CHD1L: variants seen among roughly 807,000 people sequenced by gnomAD.
CHD1L encodes the protein ATP-dependent chromatin remodeler CHD1L.
CHD1L carries 118 observed loss-of-function variants against 115.9 expected under a neutral mutation model. The observed-to-expected ratio is 1.02, with a 90% CI of 0.88 to 1.19. CHD1L has a LOEUF of 1.19. Among genes scored for constraint, CHD1L ranks in the 50% most tolerant of loss-of-function variants. The probability of loss-of-function intolerance (pLI) is 0.00; values close to 1 mark genes in which losing one functional copy is unlikely to be tolerated. For synonymous variants in CHD1L, 411 were observed against 387.1 expected (o/e 1.06, Z -0.72); for missense variants, 1,179 against 1,065.3 (o/e 1.11, Z -1.49).
intron 8 of CHD1L, 91 bp downstream of exon 8, chr1:147,266,178 C>T (rs1673846251): frequency 3.3e-6 from 4 of 1,220,346 alleles, no homozygotes; most frequent in Non-Finnish European, 4.6e-6. Flanking sequence ...TTTGTATGAT[C>T]CCAAGAATAT....
intron 10 of CHD1L, among the ~76,000 whole-genome samples, chr1:147,269,462 A>G (rs1675265675): frequency 6.6e-6 from 1 of 152,058 alleles, no homozygotes; most frequent in African/African-American, 2.4e-5. Context: ...TGAGGTCAAG[A>G]GATCGAGACC....
At chr1:147,220,990 T>C in the CHD1L span, among the ~76,000 whole-genome samples, 1 of 148,356 alleles carries the variant, frequency 6.7e-6, no homozygotes, top group Admixed American at 6.7e-5. Context: ...GTATGTACCC[T>C]TGATGGGAGG....
chr1:147,200,818 A>G, the CHD1L span, among the ~76,000 whole-genome samples: 2 of 152,316 alleles, frequency 1.3e-5, no homozygotes, highest in Admixed American at 6.5e-5. Context: ...TAAAATCTAG[A>G]TGAGTAAATT....
chr1:147,234,330 C>G, the CHD1L span, among the ~76,000 whole-genome samples: 1 of 152,224 alleles, frequency 6.6e-6, no homozygotes, highest in African/African-American at 2.4e-5. Flanking sequence ...CCCCCAGGAT[C>G]TGGTGTTGGG....
upstream of CHD1L, among the ~76,000 whole-genome samples, chr1:147,238,220 A>C (rs1210464425): frequency 3.9e-5 from 6 of 152,166 alleles, no homozygotes. Context: ...ATGGGCACGG[A>C]CCTAATTCTA....
chr1:147,261,853 A>T (rs919134915), intron 6 of CHD1L, among the ~76,000 whole-genome samples: 1 of 151,988 alleles, frequency 6.6e-6, no homozygotes, highest in African/African-American at 2.4e-5. Context: ...GGGGAGGGGG[A>T]TACTGCCGTT....
intron 14 of CHD1L, among the ~76,000 whole-genome samples, chr1:147,278,601 T>G (rs1398850666): frequency 6.6e-6 from 1 of 151,672 alleles, no homozygotes; most frequent in Non-Finnish European, 1.5e-5. Flanking sequence ...GCAGTAGGTA[T>G]GGAGTTCTGA....
At chr1:147,271,774 A>G (rs949308176) in intron 11 of CHD1L, among the ~76,000 whole-genome samples, 1 of 152,136 alleles carries the variant, frequency 6.6e-6, no homozygotes, top group Non-Finnish European at 1.5e-5. Flanking sequence ...TGAAAGGCAG[A>G]TTGCTGGACT....
the CHD1L span, chr1:147,186,445 A>G: frequency 1.1e-6 from 1 of 919,518 alleles, no homozygotes; most frequent in Non-Finnish European, 1.3e-6. Flanking sequence ...CTCAGGAAAC[A>G]TATTTAGTTA....
At chr1:147,210,906 G>GT in the CHD1L span, 1 of 152,076 alleles carries the variant, frequency 6.6e-6, no homozygotes, top group Non-Finnish European at 1.5e-5. Flanking sequence ...AAAAAGGAAT[G>GT]TTTTCTCTTT....
chr1:147,220,501 A>G, the CHD1L span, among the ~76,000 whole-genome samples: 2 of 152,338 alleles, frequency 1.3e-5, no homozygotes, highest in East Asian at 3.9e-4. Context: ...CTTTGTCCTT[A>G]ATAGTGGGCT....
At chr1:147,233,966 G>A in the CHD1L span, among the ~76,000 whole-genome samples, 34 of 152,212 alleles carry the variant, frequency 2.2e-4, no homozygotes, top group African/African-American at 8.2e-4. Flanking sequence ...GCGGAAGGCG[G>A]CAGGGCCCTC....
the CHD1L span, among the ~76,000 whole-genome samples, chr1:147,187,930 G>C: frequency 6.6e-6 from 1 of 152,150 alleles, no homozygotes; most frequent in Non-Finnish European, 1.5e-5. Context: ...GTAATGAAAA[G>C]AAAGAACTGT....
the CHD1L span, among the ~76,000 whole-genome samples, chr1:147,227,975 C>T: frequency 2.5e-4 from 37 of 149,790 alleles, 1 homozygote; most frequent in Admixed American, 2.3e-3. Flanking sequence ...GCAAGTGGTG[C>T]GATCTTGGCT....
chr1:147,244,073 GT>G (rs1174956731), intron 1 of CHD1L, among the ~76,000 whole-genome samples: 2 of 152,174 alleles, frequency 1.3e-5, no homozygotes, highest in Non-Finnish European at 2.9e-5. Context: ...GTCTTTTTAT[GT>G]TTGACTTTAT....
At chr1:147,220,484 T>G in the CHD1L span, among the ~76,000 whole-genome samples, 1 of 152,148 alleles carries the variant, frequency 6.6e-6, no homozygotes, top group African/African-American at 2.4e-5. Context: ...AGGCCTAGAA[T>G]AGAAGACTTT....
At chr1:147,203,960 CAG>C in the CHD1L span, 1 of 1,281,788 alleles carries the variant, frequency 7.8e-7, no homozygotes, top group Non-Finnish European at 1.1e-6. Flanking sequence ...AACTGTTTTA[CAG>C]AGTCTTCGGA....
At chr1:147,189,384 G>A in the CHD1L span, among the ~76,000 whole-genome samples, 1 of 152,044 alleles carries the variant, frequency 6.6e-6, no homozygotes, top group African/African-American at 2.4e-5. Flanking sequence ...GTTTGGCAGT[G>A]AAAGGAAGGA....
At chr1:147,241,145 T>C (rs1664832802), upstream of CHD1L, among the ~76,000 whole-genome samples, 2 of 152,200 alleles carry the variant, frequency 1.3e-5, no homozygotes, top group Admixed American at 6.5e-5. Flanking sequence ...CTATCTTCAG[T>C]ACCATAGAGT....
Sources: gnomAD v4.1 joint callset for allele counts (sites outside exome capture counted in the v4.1 genomes callset) on GRCh38, gnomAD v4.1.1 for gene constraint, MANE v1.5 for transcripts, NCBI Gene and HGNC (gene_info 2026-07-23, HGNC 2026-07-21) for gene names.